The following PTPRC variants were observed in gnomAD, a reference collection of about 807,000 sequenced individuals.
The protein encoded by PTPRC is receptor-type tyrosine-protein phosphatase C.
PTPRC carries 44 observed loss-of-function variants against 155.9 expected under a neutral mutation model. The ratio of observed to expected loss-of-function variants is 0.28; its 90% confidence interval spans 0.22 to 0.36. The LOEUF is 0.36. PTPRC is among the 10% of genes least tolerant of loss of function. The pLI is 1.00. For missense variants in PTPRC, 1,401 were observed against 1,564.6 expected (o/e 0.90, Z 1.76); for synonymous variants, 525 against 533.1 (o/e 0.98, Z 0.21).
intron 12 of PTPRC, 147 bp downstream of exon 12, chr1:198,713,219 C>T (rs1653401478): frequency 3.4e-6 from 4 of 1,160,036 alleles, no homozygotes; most frequent in African/African-American, 1.6e-5. Context: ...GAATTGCTTC[C>T]ACTCATTCAA....
Position 198,701,462 on chromosome 1 carries a change from AGG to A in PTPRC, c.440-923_440-922del, listed in dbSNP as rs1666458711. Among the ~76,000 whole-genome samples the A allele has an allele frequency of 2.0e-5, 3 of 152,192 alleles. No individual in the cohort carries two copies. In the South Asian group the frequency reaches 6.2e-4, roughly 32 times the overall value. ...AATAACCCAACAAGCTCTTGAATAG[AGG>A]GCAGCTCATATTTCTTTTGCTTTTT... On this transcript the variant is annotated intron_variant, in intron 5 of 32. Transcript: ENST00000442510.
At chr1:198,755,093 G>C (rs114551851) in intron 32 of PTPRC, among the ~76,000 whole-genome samples, 2 of 151,884 alleles carry the variant, frequency 1.3e-5, no homozygotes, top group African/African-American at 4.8e-5. Flanking sequence ...GTCTTCTTCT[G>C]TATGTTATTA....
rs1271167588 is a variant in PTPRC at position 198,753,289 on chromosome 1, G to A, written c.3509+517G>A. Among the ~76,000 whole-genome samples the A allele has an allele frequency of 1.3e-5, 2 of 151,804 alleles. 1 individual carries two copies. Among genetic ancestry groups the A allele is most frequent in the African/African-American group, 4.8e-5 (2 of 41,340 alleles). On this transcript the variant is annotated intron_variant, in intron 31 of 32. Coordinates refer to ENST00000442510, the MANE Select transcript of PTPRC (RefSeq NM_002838.5). ...TTTAATTTTCTAAACTGAACCAAAGGCAAAGATTGTGGTAATATCAATAAT... is the reference window on the plus strand; with the variant it reads ...TTTAATTTTCTAAACTGAACCAAAGACAAAGATTGTGGTAATATCAATAAT...
At chr1:198,702,234 G>A (rs1177744165) in intron 5 of PTPRC, among the ~76,000 whole-genome samples, 153 bp from the exon 6 acceptor site, 2 of 152,232 alleles carry the variant, frequency 1.3e-5, no homozygotes, top group African/African-American at 2.4e-5. Context: ...TTTTGGTACA[G>A]TTCTGTAGAA....
chr1:198,735,602 A>G, intron 23 of PTPRC, among the ~76,000 whole-genome samples: 1 of 151,678 alleles, frequency 6.6e-6, no homozygotes, highest in East Asian at 1.9e-4. Flanking sequence ...CTTTTATGAA[A>G]AAAAATTATA....
intron 2 of PTPRC, among the ~76,000 whole-genome samples, chr1:198,658,781 T>A (rs1286962277): frequency 6.6e-6 from 1 of 152,002 alleles, no homozygotes; most frequent in Admixed American, 6.6e-5. Context: ...ACAATTTGTG[T>A]CCCCTTAGAG....
chr1:198,645,393 G>C (rs926777299), intron 2 of PTPRC, among the ~76,000 whole-genome samples: 2 of 151,582 alleles, frequency 1.3e-5, no homozygotes, highest in African/African-American at 4.8e-5. Flanking sequence ...AACATATTAA[G>C]CATAATAGAA....
At chr1:198,682,018 T>C (rs1463617692) in intron 2 of PTPRC, among the ~76,000 whole-genome samples, 2 of 152,198 alleles carry the variant, frequency 1.3e-5, no homozygotes, top group African/African-American at 4.8e-5. Context: ...GCTGCGCCTC[T>C]TCCTTTCCTA....
chr1:198,689,084 A>G (rs913430596), intron 2 of PTPRC, among the ~76,000 whole-genome samples: 12 of 152,222 alleles, frequency 7.9e-5, no homozygotes, highest in Admixed American at 2.0e-4. Flanking sequence ...TTATTCTTTA[A>G]AAAAGTAAAT....
intron 2 of PTPRC, among the ~76,000 whole-genome samples, chr1:198,648,780 A>AG (rs1282758481): frequency 6.6e-6 from 1 of 151,858 alleles, no homozygotes; most frequent in African/African-American, 2.4e-5. Flanking sequence ...CATCCTGAAA[A>AG]GGAGGCTAAC....
chr1:198,708,372 C>T, intron 10 of PTPRC, 111 bp downstream of exon 10: 1 of 1,073,686 alleles, frequency 9.3e-7, no homozygotes, highest in Non-Finnish European at 1.3e-6. Flanking sequence ...CTCTCTTGTT[C>T]TCCCTCTGTT....
At chr1:198,658,705 C>T (rs74134768) in intron 2 of PTPRC, among the ~76,000 whole-genome samples, 2,635 of 152,158 alleles carry the variant, frequency 0.017, 75 homozygotes, top group African/African-American at 0.061. Context: ...AAATGTAACA[C>T]ATATGTGGCA....
At chr1:198,660,523 T>C (rs374640554) in intron 2 of PTPRC, 1 of 151,662 alleles carries the variant, frequency 6.6e-6, no homozygotes, top group African/African-American at 2.4e-5. Flanking sequence ...GTATTCTGTG[T>C]TGAAATAAAT....
intron 2 of PTPRC, among the ~76,000 whole-genome samples, chr1:198,654,675 A>G (rs1490366572): frequency 2.0e-5 from 3 of 151,834 alleles, no homozygotes; most frequent in African/African-American, 4.8e-5. Flanking sequence ...GCTGTCCTTT[A>G]TAAGAGAATA....
chr1:198,702,544 G>T lies in PTPRC; in HGVS notation c.583+14G>T. On this transcript the variant is annotated intron_variant, in intron 6 of 32. Coordinates refer to ENST00000442510, the MANE Select transcript of PTPRC (RefSeq NM_002838.5). ...CGAACACCTCAGGTCTGACTATGCT[G>T]CTCTAGTAGTGTCTTCAGTTATAGA... 1 of 1,614,064 alleles carries T rather than the reference G, an allele frequency of 6.2e-7. No homozygotes were observed. Among genetic ancestry groups the T allele is most frequent in the South Asian group, 1.1e-5 (1 of 91,080 alleles).
At chr1:198,676,591 T>C (rs1394860156) in intron 2 of PTPRC, among the ~76,000 whole-genome samples, 2 of 152,072 alleles carry the variant, frequency 1.3e-5, no homozygotes, top group East Asian at 3.9e-4. Flanking sequence ...TGCATAGAGA[T>C]AGAATCACAG....
At chr1:198,713,168 T>C in intron 12 of PTPRC, 96 bp downstream of exon 12, 4 of 1,555,078 alleles carry the variant, frequency 2.6e-6, no homozygotes, top group Non-Finnish European at 3.5e-6. Context: ...CAAAGCTCTC[T>C]GCTTAGAGAC....
rs193135592 is a variant in PTPRC, at chr1:198,716,105, G to C, written c.1292-577G>C. 5.9e-5 allele frequency among the ~76,000 whole-genome samples: 9 copies of C among 152,176 alleles called. No individual in the cohort carries two copies. The East Asian group carries it at 1.7e-3, about 29-fold the overall frequency. The stretch of plus-strand genomic sequence containing the variant: ...TTCTTTTCTCCCTTACATGTATTCA[G>C]TTCCACTTACCTTTCAATGAACAGC... On this transcript the variant is annotated intron_variant, in intron 12 of 32. Transcript: ENST00000442510.
intron 2 of PTPRC, among the ~76,000 whole-genome samples, chr1:198,649,516 T>G (rs911656837): frequency 5.3e-5 from 8 of 151,872 alleles, no homozygotes; most frequent in African/African-American, 1.9e-4. Flanking sequence ...GTGCAAATGT[T>G]GGATTCAGAC....
Sources: allele counts gnomAD v4.1 joint callset (sites outside exome capture counted in the v4.1 genomes callset), GRCh38; gene constraint gnomAD v4.1.1; transcripts MANE v1.5; gene names NCBI Gene and HGNC (gene_info 2026-07-23, HGNC 2026-07-21).